Variants in ZNF385D observed in about 807,000 individuals in gnomAD.
ZNF385D encodes the protein zinc finger protein 385D, also known as zinc finger protein 659.
In ZNF385D, 15 loss-of-function variants were observed where a neutral mutation model predicts 35.8. The observed-to-expected ratio is 0.42, with a 90% CI of 0.28 to 0.64. ZNF385D has a LOEUF of 0.64. Among genes scored for constraint, ZNF385D ranks in the 30% least tolerant of loss-of-function variants. The probability of loss-of-function intolerance (pLI) is 0.23; values close to 1 mark genes in which losing one functional copy is unlikely to be tolerated. For synonymous variants in ZNF385D, 212 were observed against 186.8 expected, an observed-to-expected ratio of 1.13 and a Z score of -1.10; for missense variants, 474 against 494.6, an observed-to-expected ratio of 0.96 and a Z score of 0.39.
intron 4 of ZNF385D, among the ~76,000 whole-genome samples, chr3:21,467,256 G>T (rs1315965791): frequency 6.6e-6 from 1 of 152,192 alleles, no homozygotes; most frequent in Non-Finnish European, 1.5e-5. Context: ...TTTTCAAAAT[G>T]TAAAAACCAA....
chr3:21,963,391 G>A (rs764057156), intron 3 of ZNF385D, among the ~76,000 whole-genome samples: 1 of 152,168 alleles, frequency 6.6e-6, no homozygotes, highest in Admixed American at 6.5e-5. Context: ...CCGCAGTAGC[G>A]TGCAGAAATG....
At chr3:21,633,344 A>G (rs1466771808) in intron 2 of ZNF385D, among the ~76,000 whole-genome samples, 1 of 152,092 alleles carries the variant, frequency 6.6e-6, no homozygotes, top group Non-Finnish European at 1.5e-5. Flanking sequence ...AAATTGGAGT[A>G]TGTAAAAAAT....
At chr3:21,697,905 C>A (rs2067528668) in intron 1 of ZNF385D, among the ~76,000 whole-genome samples, 1 of 152,184 alleles carries the variant, frequency 6.6e-6, no homozygotes, top group Admixed American at 6.5e-5. Context: ...GAGATACCAT[C>A]TTACACCAGT....
chr3:21,862,386 G>A (rs1336946577), intron 3 of ZNF385D, among the ~76,000 whole-genome samples: 2 of 151,390 alleles, frequency 1.3e-5, no homozygotes, highest in Non-Finnish European at 2.9e-5. Flanking sequence ...ATATAAATCA[G>A]CATGGAATGT....
chr3:21,773,745 G>T (rs903658356), intron 3 of ZNF385D, among the ~76,000 whole-genome samples: 3 of 137,128 alleles, frequency 2.2e-5, no homozygotes, highest in African/African-American at 5.2e-5. Context: ...AGTCAGAATG[G>T]ATATTATTAA....
chr3:21,983,884 G>C (rs1423858080), intron 3 of ZNF385D, among the ~76,000 whole-genome samples: 5 of 128,060 alleles, frequency 3.9e-5, no homozygotes, highest in African/African-American at 1.7e-4. Flanking sequence ...ATATCTCATA[G>C]TGGTTTTGAT....
chr3:21,521,314 A>C (rs181775525), intron 3 of ZNF385D, among the ~76,000 whole-genome samples: 1 of 152,334 alleles, frequency 6.6e-6, no homozygotes. Flanking sequence ...CTTTTGGTGG[A>C]GTCTACCCAT....
At chr3:22,032,493 T>A (rs1186514803) in intron 3 of ZNF385D, among the ~76,000 whole-genome samples, 1 of 152,200 alleles carries the variant, frequency 6.6e-6, no homozygotes. Context: ...CACCAGGTTC[T>A]TCCCTTGACA....
At chr3:22,093,076 A>G (rs1177225183) in intron 3 of ZNF385D, among the ~76,000 whole-genome samples, 1 of 152,150 alleles carries the variant, frequency 6.6e-6, no homozygotes, top group East Asian at 1.9e-4. Context: ...CATAAGACAA[A>G]GAGTGTGGAT....
chr3:22,166,959 TAAG>T (rs1706374463), intron 3 of ZNF385D, among the ~76,000 whole-genome samples: 1 of 152,236 alleles, frequency 6.6e-6, no homozygotes, highest in Admixed American at 6.5e-5. Flanking sequence ...AAGTTAACAA[TAAG>T]GAGTAGATTT....
intron 2 of ZNF385D, among the ~76,000 whole-genome samples, chr3:22,169,627 G>A (rs1340045336): frequency 2.0e-5 from 3 of 152,130 alleles, no homozygotes; most frequent in Admixed American, 6.6e-5. Flanking sequence ...TGACACACAA[G>A]AGAGGCTTTG....
At chr3:22,130,294 C>G (rs1359887305) in intron 3 of ZNF385D, among the ~76,000 whole-genome samples, 11 of 152,138 alleles carry the variant, frequency 7.2e-5, no homozygotes, top group Non-Finnish European at 1.3e-4. Flanking sequence ...CTTAGCCAAC[C>G]CAGCTGGTAT....
At chr3:21,587,572 A>C (rs1051908640) in intron 2 of ZNF385D, among the ~76,000 whole-genome samples, 6 of 152,184 alleles carry the variant, frequency 3.9e-5, no homozygotes, top group African/African-American at 1.4e-4. Context: ...AGGAACATTA[A>C]ATTTTATATG....
chr3:21,701,579 C>G (rs752198617), intron 1 of ZNF385D, among the ~76,000 whole-genome samples: 1 of 152,150 alleles, frequency 6.6e-6, no homozygotes, highest in African/African-American at 2.4e-5. Context: ...TCCCAACAGT[C>G]CCCCAAAGTC....
intron 1 of ZNF385D, among the ~76,000 whole-genome samples, chr3:21,675,613 A>G (rs1411377891): frequency 6.6e-6 from 1 of 152,120 alleles, no homozygotes; most frequent in African/African-American, 2.4e-5. Flanking sequence ...TGTATAAACA[A>G]AAAGCTAGTT....
intron 7 of ZNF385D, among the ~76,000 whole-genome samples, chr3:21,422,601 G>A (rs1700794594): frequency 6.6e-6 from 1 of 152,110 alleles, no homozygotes; most frequent in South Asian, 2.1e-4. Context: ...CAAAATACTG[G>A]TAAACCAAAT....
chr3:21,905,405 T>A (rs999280421), intron 3 of ZNF385D, among the ~76,000 whole-genome samples: 1 of 151,934 alleles, frequency 6.6e-6, no homozygotes, highest in South Asian at 2.1e-4. Flanking sequence ...TATCCAAGGT[T>A]GTATTTATTC....
intron 2 of ZNF385D, among the ~76,000 whole-genome samples, chr3:21,634,211 A>G (rs2065359770): frequency 6.6e-6 from 1 of 151,020 alleles, no homozygotes; most frequent in Non-Finnish European, 1.5e-5. Context: ...AAATAGAAAG[A>G]AAGAGAGAAA....
At chr3:22,004,940 T>C (rs2125422484) in intron 3 of ZNF385D, among the ~76,000 whole-genome samples, 1 of 151,928 alleles carries the variant, frequency 6.6e-6, no homozygotes, top group Non-Finnish European at 1.5e-5. Flanking sequence ...CATCAGGACT[T>C]CCTGAGACTT....
Sources: gnomAD v4.1 joint callset for allele counts (sites outside exome capture counted in the v4.1 genomes callset) on GRCh38, gnomAD v4.1.1 for gene constraint, MANE v1.5 for transcripts, NCBI Gene and HGNC (gene_info 2026-07-23, HGNC 2026-07-21) for gene names.